THUMPD2: variants seen among roughly 807,000 people sequenced by gnomAD.
THUMPD2 encodes THUMP domain 2 tRNA and snRNA guanosine methyltransferase, also known as U6 snRNA (guanine-N(2))-methyltransferase THUMPD2.
A neutral mutation model predicts 49.4 loss-of-function variants in THUMPD2; 56 were observed. That is an observed-to-expected ratio of 1.13 (90% confidence interval 0.91 to 1.41). THUMPD2 has a LOEUF of 1.41. Ranked by LOEUF, THUMPD2 falls within the 40% of genes most tolerant of loss-of-function variation. The probability of loss-of-function intolerance (pLI) is 0.00; values close to 1 mark genes in which losing one functional copy is unlikely to be tolerated. For missense variants in THUMPD2, 709 were observed against 594.5 expected (o/e 1.19, Z -2.00); for synonymous variants, 237 against 205.2 (o/e 1.15, Z -1.32).
At position 39,761,414 on chromosome 2, in the gene THUMPD2, A is replaced by C; in HGVS notation, c.808T>G (p.Ser270Ala). 6.2e-7 allele frequency: 1 copy of C among 1,613,506 alleles called. No homozygotes were observed. The highest frequency in any genetic ancestry group is 8.5e-7 in the Non-Finnish European group (1 of 1,179,574). Residue 270 changes from serine (S) to alanine (A), a missense_variant, in exon 6 of 10, where the codon TCC (serine) becomes GCC (alanine). Physicochemically the swap from Ser to Ala is moderately conservative, Grantham distance 99. Coordinates refer to ENST00000505747, the MANE Select transcript of THUMPD2 (RefSeq NM_025264.5). ...TTGATGTAAGCTCTGCTGGCTAGGG[A>C]AACCCTACAAAGGATAGAATCTGAT... is the stretch of plus-strand genomic sequence containing the variant. ...SVVGIPVFRV[S>A]LASRAYIKTA...
intron 5 of THUMPD2, among the ~76,000 whole-genome samples, chr2:39,765,807 T>A (rs57317087): frequency 0.027 from 4,081 of 152,292 alleles, 176 homozygotes; most frequent in African/African-American, 0.092. Flanking sequence ...GAACTAGATA[T>A]AATTTTCAGT....
At position 39,779,184 on chromosome 2, in the gene THUMPD2, A is replaced by C; in HGVS notation, c.56T>G (p.Phe19Cys). The C allele has an allele frequency of 6.6e-7, 1 of 1,519,192 alleles. No individual in the cohort carries two copies. Among genetic ancestry groups the C allele is most frequent in the Non-Finnish European group, 8.8e-7 (1 of 1,138,920 alleles). The allele number at this position is 1,519,192 out of a possible 1,614,324, so 94.1% of individuals were successfully genotyped here. A position where few individuals can be genotyped will look rare whatever the true frequency, so the allele number is the denominator to read the frequency against. The change falls in exon 1 of 10, where the codon TTC (phenylalanine) becomes TGC (cysteine). Residue 19 changes from phenylalanine (F) to cysteine (C), a missense_variant. By Grantham distance (205) the Phe-to-Cys change is radical (BLOSUM62 -2). Coordinates refer to ENST00000505747, the MANE Select transcript of THUMPD2 (RefSeq NM_025264.5). ...GSGPEAGARF[F>C]CTAGRGLEPF... ...CTCCAGGCCGCGACCCGCAGTGCAG[A>C]AGAATCGGGCGCCAGCCTCAGGCCC... is the stretch of plus-strand genomic sequence containing the variant.
intron 9 of THUMPD2, among the ~76,000 whole-genome samples, chr2:39,742,801 G>A (rs1322589823): frequency 2.0e-5 from 3 of 152,172 alleles, no homozygotes; most frequent in Non-Finnish European, 4.4e-5. Flanking sequence ...GTGGGGAGGG[G>A]TGGATAGCAG....
chr2:39,764,673 T>G (rs1256862133), intron 5 of THUMPD2, among the ~76,000 whole-genome samples: 1 of 152,234 alleles, frequency 6.6e-6, no homozygotes, highest in African/African-American at 2.4e-5. Flanking sequence ...GTTTCTGTTA[T>G]CCACTGTCAC....
chr2:39,776,424 C>T (rs946797854), intron 1 of THUMPD2, among the ~76,000 whole-genome samples: 3 of 147,502 alleles, frequency 2.0e-5, no homozygotes, highest in Admixed American at 6.8e-5. Flanking sequence ...GATGGAGTCT[C>T]ACTCTGTCAC....
At chr2:39,745,221 C>T (rs916472829) in intron 8 of THUMPD2, among the ~76,000 whole-genome samples, 1 of 152,038 alleles carries the variant, frequency 6.6e-6, no homozygotes, top group African/African-American at 2.4e-5. Flanking sequence ...TTGAATAGTA[C>T]CTAATTTTGC....
Position 39,736,225 on chromosome 2 carries a change from A to G in THUMPD2, c.*510T>C, listed in dbSNP as rs1214969526. 6.6e-6 allele frequency: 1 copy of G among 152,486 alleles called. No homozygotes were observed. The highest frequency in any genetic ancestry group is 1.5e-5 in the Non-Finnish European group (1 of 68,228). The allele number at this position is 152,486 out of a possible 1,614,324, so 9.4% of individuals were successfully genotyped here. A position where few individuals can be genotyped will look rare whatever the true frequency, so the allele number is the denominator to read the frequency against. ...AGGATACTGGCTTAATTCAGTTATTATTCTCACTGTTGGTTTACATAATAA... is the reference window on the plus strand; with the variant it reads ...AGGATACTGGCTTAATTCAGTTATTGTTCTCACTGTTGGTTTACATAATAA... On this transcript the variant is annotated 3_prime_UTR_variant, in exon 10 of 10. Transcript: ENST00000505747.
intron 4 of THUMPD2, among the ~76,000 whole-genome samples, chr2:39,766,568 C>T (rs2110673): frequency 0.027 from 4,083 of 152,206 alleles, 78 homozygotes; most frequent in South Asian, 0.038. Flanking sequence ...AGCAAGGGTG[C>T]TGTTTTCTCT....
chr2:39,736,106 G>A lies in THUMPD2; in HGVS notation c.*629C>T, dbSNP rs1673056506. Reference sequence around the variant, plus strand: ...TCTTTTTCTCAGGTAGTGAACATAAGCAACAAACTGACTTTCTATATAAAT... The same window carrying A: ...TCTTTTTCTCAGGTAGTGAACATAAACAACAAACTGACTTTCTATATAAAT... On this transcript the variant is annotated 3_prime_UTR_variant, in exon 10 of 10. Transcript: ENST00000505747. 1 of 152,102 alleles carries A rather than the reference G, an allele frequency of 6.6e-6. No homozygotes were observed. 9.4% of individuals were successfully genotyped at this position (152,102 alleles called of 1,614,324 possible).
At chr2:39,764,975 A>T (rs1558525384) in intron 5 of THUMPD2, among the ~76,000 whole-genome samples, 1 of 152,216 alleles carries the variant, frequency 6.6e-6, no homozygotes, top group Non-Finnish European at 1.5e-5. Context: ...TCTAGCAAGC[A>T]TTAAAATAAT....
At chr2:39,767,044 C>T (rs963689381) in intron 4 of THUMPD2, among the ~76,000 whole-genome samples, 8 of 152,104 alleles carry the variant, frequency 5.3e-5, no homozygotes, top group African/African-American at 1.9e-4. Context: ...AAATGTTTTC[C>T]TATCAATTTT....
At chr2:39,737,312 G>A (rs531389459) in intron 9 of THUMPD2, among the ~76,000 whole-genome samples, 69 of 152,068 alleles carry the variant, frequency 4.5e-4, no homozygotes, top group Non-Finnish European at 8.7e-4. Flanking sequence ...TTGTAGTCAC[G>A]GTCTAATAAA....
chr2:39,765,801 T>C (rs1572851923), intron 5 of THUMPD2, among the ~76,000 whole-genome samples: 1 of 152,228 alleles, frequency 6.6e-6, no homozygotes, highest in Non-Finnish European at 1.5e-5. Flanking sequence ...ATAATAGAAC[T>C]AGATATAATT....
At position 39,755,364 on chromosome 2, in the gene THUMPD2, C is replaced by T. The variant is rs746108810; in HGVS notation, c.1009G>A (p.Gly337Ser). The T allele has an allele frequency of 1.9e-6, 3 of 1,557,502 alleles. No individual in the cohort carries two copies. ...GADVSDSQLLGTWDNLKAAGL... is the reference protein window; with the variant it reads ...GADVSDSQLLSTWDNLKAAGL... ...GCAGCTTTCAGATTGTCCCAAGTACCTAGTAACTGTGAGTCGCTGACATCA... is the reference window on the plus strand; with the variant it reads ...GCAGCTTTCAGATTGTCCCAAGTACTTAGTAACTGTGAGTCGCTGACATCA... The change falls in exon 8 of 10, where the codon GGT becomes AGT. Residue 337 changes from glycine to serine, a missense_variant. By Grantham distance (56) the Gly-to-Ser change is moderately conservative (BLOSUM62 0). Transcript: ENST00000505747.
At chr2:39,767,603 CA>C (rs57906396) in intron 4 of THUMPD2, among the ~76,000 whole-genome samples, 51 of 67,842 alleles carry the variant, frequency 7.5e-4, no homozygotes, top group South Asian at 1.7e-3. Context: ...GACTCCGTCT[CA>C]AAAAAAAAAA....
chr2:39,751,356 T>C (rs896331466), intron 8 of THUMPD2, among the ~76,000 whole-genome samples: 1 of 152,238 alleles, frequency 6.6e-6, no homozygotes, highest in Non-Finnish European at 1.5e-5. Context: ...AAAGCACAAC[T>C]GTTGCCAATA....
At chr2:39,769,423 C>A in intron 3 of THUMPD2, 1 of 317,198 alleles carries the variant, frequency 3.2e-6, no homozygotes, top group Non-Finnish European at 5.7e-6. Context: ...ACCCCCAGGC[C>A]AGGCATGGTG....
At chr2:39,767,715 T>C (rs1677742843) in intron 4 of THUMPD2, among the ~76,000 whole-genome samples, 1 of 150,480 alleles carries the variant, frequency 6.6e-6, no homozygotes, top group Non-Finnish European at 1.5e-5. Context: ...AAAAAATATA[T>C]ACCAGGTATT....
chr2:39,746,061 A>G (rs1316491501), intron 8 of THUMPD2, among the ~76,000 whole-genome samples: 2 of 152,244 alleles, frequency 1.3e-5, no homozygotes, highest in African/African-American at 4.8e-5. Flanking sequence ...GAAGACATTT[A>G]GAACACGGCC....
Sources: allele counts gnomAD v4.1 joint callset (sites outside exome capture counted in the v4.1 genomes callset), GRCh38; gene constraint gnomAD v4.1.1; transcripts MANE v1.5; gene names NCBI Gene and HGNC (gene_info 2026-07-23, HGNC 2026-07-21).